TOM1L2: variants seen among roughly 807,000 people sequenced by gnomAD.
TOM1L2 encodes TOM1-like protein 2.
In TOM1L2, 31 loss-of-function variants were observed where a neutral mutation model predicts 67.9. That is an observed-to-expected ratio of 0.46 (90% CI 0.34 to 0.62). TOM1L2 has a LOEUF of 0.62. TOM1L2 is among the 20% of genes least tolerant of loss of function. The pLI is 0.01. For synonymous variants in TOM1L2, 256 were observed against 254.0 expected, an observed-to-expected ratio of 1.01 and a Z score of -0.07; for missense variants, 606 against 663.5, an observed-to-expected ratio of 0.91 and a Z score of 0.95.
chr17:17,883,822 G>T (rs960656752), intron 5 of TOM1L2, among the ~76,000 whole-genome samples: 1 of 152,174 alleles, frequency 6.6e-6, no homozygotes, highest in African/African-American at 2.4e-5. Context: ...GTGTTCCTAC[G>T]AGAGATGTGC....
intron 12 of TOM1L2, chr17:17,857,758 T>G (rs768202695): frequency 1.7e-5 from 26 of 1,533,946 alleles, no homozygotes; most frequent in Middle Eastern, 1.8e-4. Flanking sequence ...GCTCGGCTGG[T>G]GACTCCTCAC....
intron 12 of TOM1L2, chr17:17,859,539 C>T (rs2036439223): frequency 1.3e-5 from 2 of 152,376 alleles, no homozygotes; most frequent in African/African-American, 2.4e-5. Context: ...TGCCCTGTAT[C>T]GCTAAGGCTG....
chr17:17,959,619 C>G (rs1295881611), intron 1 of TOM1L2, among the ~76,000 whole-genome samples: 2 of 152,180 alleles, frequency 1.3e-5, no homozygotes, highest in Admixed American at 6.5e-5. Context: ...GCCTCATTTC[C>G]TATTTCGACT....
intron 2 of TOM1L2, among the ~76,000 whole-genome samples, chr17:17,901,743 G>A (rs1471719092): frequency 2.0e-5 from 3 of 152,242 alleles, no homozygotes; most frequent in Non-Finnish European, 2.9e-5. Context: ...TATGAGCTGA[G>A]GAGGGTCCAG....
chr17:17,926,319 G>C (rs1025525053), intron 1 of TOM1L2, among the ~76,000 whole-genome samples: 4 of 152,024 alleles, frequency 2.6e-5, no homozygotes, highest in Non-Finnish European at 5.9e-5. Context: ...TTCTGACCAG[G>C]CCTCCCTGCT....
At chr17:17,851,042 A>C (rs761584609) in intron 12 of TOM1L2, 90 bp from the exon 13 acceptor site, 66 of 1,479,142 alleles carry the variant, frequency 4.5e-5, no homozygotes, top group Admixed American at 6.8e-5. Flanking sequence ...CATCAACAGC[A>C]ACCCCAAATA....
chr17:17,865,121 T>G (rs1568095222), intron 10 of TOM1L2, among the ~76,000 whole-genome samples: 1 of 152,232 alleles, frequency 6.6e-6, no homozygotes, highest in African/African-American at 2.4e-5. Flanking sequence ...TATACACACT[T>G]TGAATGTACA....
At chr17:17,951,160 G>C (rs567472892) in intron 1 of TOM1L2, among the ~76,000 whole-genome samples, 1 of 152,202 alleles carries the variant, frequency 6.6e-6, no homozygotes, top group African/African-American at 2.4e-5. Flanking sequence ...ATAAATCCTA[G>C]ATGATAATAC....
intron 14 of TOM1L2, among the ~76,000 whole-genome samples, chr17:17,848,500 C>T (rs1035733440): frequency 6.6e-6 from 1 of 152,222 alleles, no homozygotes; most frequent in African/African-American, 2.4e-5. Context: ...TGCTGCGCAC[C>T]TCCACAAACT....
intron 7 of TOM1L2, among the ~76,000 whole-genome samples, chr17:17,870,972 G>C (rs1003745038): frequency 6.6e-6 from 1 of 152,216 alleles, no homozygotes; most frequent in Non-Finnish European, 1.5e-5. Context: ...CTCCCGTCTA[G>C]ACTGAAGCTC....
At chr17:17,908,127 G>A (rs1007496437) in intron 1 of TOM1L2, among the ~76,000 whole-genome samples, 5 of 152,220 alleles carry the variant, frequency 3.3e-5, no homozygotes, top group African/African-American at 1.2e-4. Context: ...TCAAGCCACT[G>A]TAGGTGTGGT....
intron 1 of TOM1L2, among the ~76,000 whole-genome samples, chr17:17,932,579 T>C (rs1156891856): frequency 6.6e-6 from 1 of 152,172 alleles, no homozygotes; most frequent in Non-Finnish European, 1.5e-5. Flanking sequence ...AGAAGTAGCA[T>C]GGCTGTATTG....
At chr17:17,873,827 C>T (rs562308770) in intron 7 of TOM1L2, among the ~76,000 whole-genome samples, 5 of 152,358 alleles carry the variant, frequency 3.3e-5, no homozygotes, top group African/African-American at 1.2e-4. Context: ...CATGCTGCAG[C>T]GGCCTCCATG....
intron 7 of TOM1L2, among the ~76,000 whole-genome samples, chr17:17,872,497 G>T (rs1322349330): frequency 6.6e-6 from 1 of 152,218 alleles, no homozygotes; most frequent in African/African-American, 2.4e-5. Context: ...TACTTTGGAA[G>T]AAGCACCAGA....
In TOM1L2 at chr17:17,844,863, G is replaced by C. The variant is rs1431163396; in HGVS notation, c.*2772C>G. The stretch of plus-strand genomic sequence containing the variant: ...AAATAAATATTTTAACCTATAATCA[G>C]GTATAATTAGTGCTTATAAGGAATC... On this transcript the variant is annotated 3_prime_UTR_variant, in exon 15 of 15. Transcript: ENST00000379504. 6.6e-6 allele frequency: 1 copy of C among 152,372 alleles called. No homozygotes were observed. Among genetic ancestry groups the C allele is most frequent in the Non-Finnish European group, 1.5e-5 (1 of 68,040 alleles). The allele number at this position is 152,372 out of a possible 1,614,324, so 9.4% of individuals were successfully genotyped here.
chr17:17,942,646 C>T (rs1173226593), intron 1 of TOM1L2, among the ~76,000 whole-genome samples: 2 of 152,124 alleles, frequency 1.3e-5, no homozygotes, highest in Admixed American at 6.6e-5. Flanking sequence ...ACTTAGTAGG[C>T]TCAGAGTAAG....
chr17:17,865,329 C>T (rs1291658734), intron 10 of TOM1L2, among the ~76,000 whole-genome samples: 2 of 152,236 alleles, frequency 1.3e-5, no homozygotes, highest in South Asian at 2.1e-4. Flanking sequence ...CTCCTCAAAC[C>T]TGTGTTCCAA....
At position 17,972,348 on chromosome 17, in the gene TOM1L2, T is replaced by A. The variant is rs2145138558; in HGVS notation, c.-35A>T. The A allele has an allele frequency of 6.5e-7, 1 of 1,548,758 alleles. No homozygotes were observed. Among genetic ancestry groups the A allele is most frequent in the Non-Finnish European group, 8.7e-7 (1 of 1,146,774 alleles). ...ACAACACGCAGCGGCCCGGGCCCCC[T>A]GTCTGCCACCTAGGCCTCCGCTGTA... On this transcript the variant is annotated 5_prime_UTR_variant, in exon 1 of 15. Transcript: ENST00000379504.
At chr17:17,863,801 G>A (rs1402576972) in intron 10 of TOM1L2, among the ~76,000 whole-genome samples, 3 of 151,892 alleles carry the variant, frequency 2.0e-5, no homozygotes, top group Non-Finnish European at 4.4e-5. Context: ...TTCCCACCTC[G>A]GCCTCCCAAA....
Sources: allele counts gnomAD v4.1 joint callset (sites outside exome capture counted in the v4.1 genomes callset), GRCh38; gene constraint gnomAD v4.1.1; transcripts MANE v1.5; gene names NCBI Gene and HGNC (gene_info 2026-07-23, HGNC 2026-07-21).